PITPNC1: variants seen among roughly 807,000 people sequenced by gnomAD.
PITPNC1 encodes the protein phosphatidylinositol transfer protein cytoplasmic 1, also known as cytoplasmic phosphatidylinositol transfer protein 1.
Under a neutral mutation model 44.7 loss-of-function variants are expected in PITPNC1, and 18 were observed. That is an observed-to-expected ratio of 0.40 (90% CI 0.28 to 0.60). PITPNC1 has a LOEUF of 0.60. Among genes scored for constraint, PITPNC1 ranks in the 20% least tolerant of loss-of-function variants. PITPNC1 has a pLI of 0.39. For missense variants in PITPNC1, 290 were observed against 418.4 expected, an observed-to-expected ratio of 0.69 and a Z score of 2.68; for synonymous variants, 141 against 149.6, an observed-to-expected ratio of 0.94 and a Z score of 0.42.
intron 1 of PITPNC1, among the ~76,000 whole-genome samples, chr17:67,529,126 TTCA>T (rs1302289470): frequency 6.6e-6 from 1 of 152,106 alleles, no homozygotes; most frequent in Non-Finnish European, 1.5e-5. Context: ...CGCCGGCTCA[TTCA>T]GCAGCCACTG....
At chr17:67,637,231 G>A (rs1018811612) in intron 6 of PITPNC1, among the ~76,000 whole-genome samples, 6 of 152,146 alleles carry the variant, frequency 3.9e-5, no homozygotes, top group African/African-American at 1.4e-4. Context: ...CAGAGCAACC[G>A]CTATCAAAGA....
intron 1 of PITPNC1, among the ~76,000 whole-genome samples, chr17:67,422,640 C>A (rs1310777450): frequency 6.6e-6 from 1 of 150,998 alleles, no homozygotes; most frequent in Non-Finnish European, 1.5e-5. Flanking sequence ...CTCTACCTCC[C>A]AGGTTCAAGA....
At chr17:67,692,405 G>GA (rs1405614248) in intron 8 of PITPNC1, among the ~76,000 whole-genome samples, 167 bp from the exon 9 acceptor site, 1 of 152,084 alleles carries the variant, frequency 6.6e-6, no homozygotes, top group African/African-American at 2.4e-5. Context: ...GCTTCCAATA[G>GA]AAAAAATTGG....
chr17:67,381,110 G>A, intron 1 of PITPNC1, among the ~76,000 whole-genome samples: 1 of 151,950 alleles, frequency 6.6e-6, no homozygotes, highest in East Asian at 1.9e-4. Context: ...GGCAGATCAC[G>A]AGGTCAGGAG....
At chr17:67,543,591 A>T (rs1568033972) in intron 2 of PITPNC1, among the ~76,000 whole-genome samples, 1 of 152,044 alleles carries the variant, frequency 6.6e-6, no homozygotes, top group Admixed American at 6.5e-5. Context: ...TCATGTGTTC[A>T]TTGGCCATTT....
intron 1 of PITPNC1, among the ~76,000 whole-genome samples, chr17:67,386,200 A>C (rs2038048955): frequency 6.6e-6 from 1 of 152,094 alleles, no homozygotes; most frequent in African/African-American, 2.4e-5. Context: ...AATATACTTT[A>C]TTTATTTTGA....
intron 1 of PITPNC1, among the ~76,000 whole-genome samples, chr17:67,451,481 C>T (rs1456756285): frequency 6.6e-6 from 1 of 152,282 alleles, no homozygotes; most frequent in African/African-American, 2.4e-5. Context: ...TCCATTCCCC[C>T]CTAAACATCC....
At chr17:67,509,064 T>C (rs1472290911) in intron 1 of PITPNC1, among the ~76,000 whole-genome samples, 2 of 151,334 alleles carry the variant, frequency 1.3e-5, no homozygotes, top group African/African-American at 4.9e-5. Flanking sequence ...TGAAACTCCG[T>C]CTCTACTAAA....
At chr17:67,439,254 A>G (rs944548937) in intron 1 of PITPNC1, among the ~76,000 whole-genome samples, 11 of 152,202 alleles carry the variant, frequency 7.2e-5, no homozygotes, top group African/African-American at 2.7e-4. Flanking sequence ...TTATTTTACC[A>G]AGCACTGTAT....
In PITPNC1 at chr17:67,487,885, C is replaced by G. The variant is rs1273722765; in HGVS notation, c.49-44917C>G. 4.6e-5 allele frequency among the ~76,000 whole-genome samples: 7 copies of G among 152,264 alleles called. No individual in the cohort carries two copies. The East Asian group carries it at 1.4e-3, about 29-fold the overall frequency. ...CCAGGAGATGTCTTCGCATCTTATA[C>G]CCTGTATAGGATCATCACGGACTGC... is the stretch of plus-strand genomic sequence containing the variant. On this transcript the variant is annotated intron_variant, in intron 1 of 8. Coordinates refer to ENST00000581322, the MANE Select transcript of PITPNC1 (RefSeq NM_012417.4).
chr17:67,505,579 G>A (rs2144078033), intron 1 of PITPNC1, among the ~76,000 whole-genome samples: 1 of 152,136 alleles, frequency 6.6e-6, no homozygotes, highest in Non-Finnish European at 1.5e-5. Flanking sequence ...TATTTTTCCT[G>A]TCCTTTAATT....
intron 1 of PITPNC1, among the ~76,000 whole-genome samples, chr17:67,415,964 A>G (rs1437313560): frequency 6.6e-6 from 1 of 152,158 alleles, no homozygotes; most frequent in African/African-American, 2.4e-5. Context: ...GTAAAAATGT[A>G]CTGCCATTCT....
At chr17:67,600,915 G>C (rs376260645) in intron 5 of PITPNC1, among the ~76,000 whole-genome samples, 1 of 151,958 alleles carries the variant, frequency 6.6e-6, no homozygotes, top group African/African-American at 2.4e-5. Flanking sequence ...GTATATTTGA[G>C]TAATAACAAT....
chr17:67,560,321 T>A (rs1215353865), intron 4 of PITPNC1, among the ~76,000 whole-genome samples: 1 of 152,232 alleles, frequency 6.6e-6, no homozygotes, highest in East Asian at 1.9e-4. Flanking sequence ...TATTTTTTTC[T>A]AAATTTCAGT....
In PITPNC1 at chr17:67,646,680, TTGTGTGTGTGGGTG is replaced by T. The variant is rs557610727; in HGVS notation, c.462+14460_462+14473del. ...CAGCACATGCCACCACACCAGCTAT[TTGTGTGTGTGGGTG>T]TGTGTGTGTGGGTGTGTCGTGATGG... is the stretch of plus-strand genomic sequence containing the variant. On this transcript the variant is annotated intron_variant, in intron 6 of 8. Coordinates refer to ENST00000581322, the MANE Select transcript of PITPNC1 (RefSeq NM_012417.4). 3.1e-3 allele frequency among the ~76,000 whole-genome samples: 467 copies of T among 152,006 alleles called. 2 individuals carry two copies. Among genetic ancestry groups the T allele is most frequent in the African/African-American group, 0.01 (431 of 41,444 alleles).
intron 1 of PITPNC1, among the ~76,000 whole-genome samples, chr17:67,513,353 GTATCTATATC>G (rs2040212630): frequency 7.2e-6 from 1 of 139,238 alleles, no homozygotes; most frequent in Middle Eastern, 3.6e-3. Context: ...GGAAGAGTCT[GTATCTATATC>G]TATATCTATA....
chr17:67,657,974 C>T (rs1308292279), intron 6 of PITPNC1, among the ~76,000 whole-genome samples: 1 of 152,214 alleles, frequency 6.6e-6, no homozygotes, highest in East Asian at 1.9e-4. Context: ...GATACCATCT[C>T]AAACTCAGCT....
At chr17:67,504,954 T>C (rs921847431) in intron 1 of PITPNC1, among the ~76,000 whole-genome samples, 2 of 152,222 alleles carry the variant, frequency 1.3e-5, no homozygotes, top group African/African-American at 4.8e-5. Flanking sequence ...TCTAATCATC[T>C]CAAATTATTT....
chr17:67,438,167 T>C (rs2038962759), intron 1 of PITPNC1, among the ~76,000 whole-genome samples: 1 of 152,218 alleles, frequency 6.6e-6, no homozygotes, highest in Non-Finnish European at 1.5e-5. Context: ...TCAATAGCCC[T>C]AGCCATGAAC....
Sources: gnomAD v4.1 joint callset for allele counts (sites outside exome capture counted in the v4.1 genomes callset) on GRCh38, gnomAD v4.1.1 for gene constraint, MANE v1.5 for transcripts, NCBI Gene and HGNC (gene_info 2026-07-23, HGNC 2026-07-21) for gene names.